Variants in KSR1 observed in about 807,000 individuals in gnomAD.
KSR1 encodes kinase suppressor of ras.
In KSR1, 35 loss-of-function variants were observed where a neutral mutation model predicts 92.9. The observed-to-expected ratio is 0.38, with a 90% CI of 0.29 to 0.50. The LOEUF is 0.50. Among genes scored for constraint, KSR1 ranks in the 20% least tolerant of loss-of-function variants. The pLI, the probability that KSR1 is intolerant of heterozygous loss-of-function variation, is 0.94. For missense variants in KSR1, 972 were observed against 1,158.5 expected, an observed-to-expected ratio of 0.84 and a Z score of 2.34; for synonymous variants, 467 against 472.6, an observed-to-expected ratio of 0.99 and a Z score of 0.15.
In KSR1 at chr17:27,488,468, A is replaced by G. The variant is rs78111751; in HGVS notation, c.231+31594A>G. Among the ~76,000 whole-genome samples the G allele has an allele frequency of 8.9e-4, 135 of 152,098 alleles. 8 individuals carry two copies. In the East Asian group the frequency reaches 0.024, roughly 27 times the overall value. ...TTGATAGTTACTTAGGGTGTTTCCAATCTTTTGCTGTTACCAACAATGCTG... is the reference window on the plus strand; with the variant it reads ...TTGATAGTTACTTAGGGTGTTTCCAGTCTTTTGCTGTTACCAACAATGCTG... On this transcript the variant is annotated intron_variant, in intron 1 of 20. Coordinates refer to ENST00000644974, the MANE Select transcript of KSR1 (RefSeq NM_001394583.1).
intron 18 of KSR1, 21 bp from the exon 19 acceptor site, chr17:27,617,274 T>TA: frequency 1.9e-6 from 3 of 1,598,846 alleles, no homozygotes; most frequent in Non-Finnish European, 2.6e-6. Flanking sequence ...CACACACCAC[T>TA]AATGGCAGCT....
At chr17:27,553,742 G>A (rs746253661) in intron 2 of KSR1, among the ~76,000 whole-genome samples, 27 of 152,236 alleles carry the variant, frequency 1.8e-4, no homozygotes, top group Non-Finnish European at 2.9e-4. Context: ...CTGGGCTATA[G>A]CCAGAGTATT....
rs1212782554 is a variant in KSR1 at position 27,459,915 on chromosome 17, A to C, written c.231+3041A>C. 6.6e-6 allele frequency among the ~76,000 whole-genome samples: 1 copy of C among 152,168 alleles called. No homozygotes were observed. The highest frequency in any genetic ancestry group is 2.4e-5 in the African/African-American group (1 of 41,432). ...AAAGGGTAGAAGGAGCTGAGACTTA[A>C]CGTTTGCTGCCTGTGTGCCTAGCAG... On this transcript the variant is annotated intron_variant, in intron 1 of 20. Coordinates refer to ENST00000644974, the MANE Select transcript of KSR1 (RefSeq NM_001394583.1). The surrounding 1 kb of genome is among the most constrained non-coding windows in gnomAD (Gnocchi z 4.6).
chr17:27,609,683 A>G (rs2073861293), intron 16 of KSR1, among the ~76,000 whole-genome samples: 2 of 152,200 alleles, frequency 1.3e-5, no homozygotes, highest in South Asian at 2.1e-4. Flanking sequence ...CCTCACATCT[A>G]GGGGAACCCA....
intron 18 of KSR1, among the ~76,000 whole-genome samples, chr17:27,616,896 C>T (rs1224976979): frequency 1.3e-5 from 2 of 152,248 alleles, no homozygotes; most frequent in African/African-American, 2.4e-5. Context: ...GAGGCTCCCT[C>T]GTCCACTGCA....
At chr17:27,606,668 A>C (rs189306870) in intron 14 of KSR1, among the ~76,000 whole-genome samples, 1 of 152,036 alleles carries the variant, frequency 6.6e-6, no homozygotes, top group Admixed American at 6.5e-5. Flanking sequence ...AAATACTCTC[A>C]CCATGGTCAA....
At chr17:27,609,872 G>C in intron 16 of KSR1, 195 bp from the exon 17 acceptor site, 1 of 574,772 alleles carries the variant, frequency 1.7e-6, no homozygotes. Flanking sequence ...AGAAACAACC[G>C]GTCATGACTC....
At chr17:27,613,798 C>G (rs2073985455) in intron 18 of KSR1, among the ~76,000 whole-genome samples, 1 of 152,196 alleles carries the variant, frequency 6.6e-6, no homozygotes, top group Admixed American at 6.5e-5. Flanking sequence ...GTAACCACTG[C>G]TTTCCAGTCT....
chr17:27,529,860 AC>A (rs2070464439), intron 1 of KSR1, among the ~76,000 whole-genome samples: 1 of 151,910 alleles, frequency 6.6e-6, no homozygotes, highest in Non-Finnish European at 1.5e-5. Flanking sequence ...GTATCTGAAA[AC>A]CCTTGTCAAA....
intron 1 of KSR1, among the ~76,000 whole-genome samples, chr17:27,532,913 C>T (rs2070600582): frequency 6.6e-6 from 1 of 152,224 alleles, no homozygotes; most frequent in Non-Finnish European, 1.5e-5. Flanking sequence ...CCTGGAGGGG[C>T]AGCGTGGGGC....
intron 1 of KSR1, chr17:27,465,265 A>T (rs550106873): frequency 6.6e-6 from 1 of 152,336 alleles, no homozygotes; most frequent in East Asian, 1.9e-4. Flanking sequence ...GGTGGGCAGT[A>T]GTGTGTTTTA....
In KSR1 at chr17:27,613,960, TC is replaced by T. The variant is rs564024658; in HGVS notation, c.2493+2333del. On this transcript the variant is annotated intron_variant, in intron 18 of 20. Transcript: ENST00000644974. ...GGGATTACAAGCATGCACCAAAATATCCAGCTAATTTTTGTATTTTTAGTAG... is the reference window on the plus strand; with the variant it reads ...GGGATTACAAGCATGCACCAAAATATCAGCTAATTTTTGTATTTTTAGTAG... Among the ~76,000 whole-genome samples the T allele has an allele frequency of 2.5e-3, 376 of 152,278 alleles. 2 individuals are homozygous for T. Among genetic ancestry groups the T allele is most frequent in the Middle Eastern group, 0.017 (5 of 294 alleles).
At chr17:27,543,274 C>T (rs2071034213) in intron 1 of KSR1, among the ~76,000 whole-genome samples, 1 of 152,228 alleles carries the variant, frequency 6.6e-6, no homozygotes, top group Admixed American at 6.5e-5. Flanking sequence ...AACCCAGCCT[C>T]CCAAATCAGA....
chr17:27,620,887 G>A (rs2074204813), intron 19 of KSR1: 1 of 267,924 alleles, frequency 3.7e-6, no homozygotes, highest in Admixed American at 5.4e-5. Context: ...AGATGGGGCT[G>A]TTCCCTGCCC....
chr17:27,456,584 T>G lies in KSR1; in HGVS notation c.-60T>G, dbSNP rs1322669065. On this transcript the variant is annotated 5_prime_UTR_variant, in exon 1 of 21. Transcript: ENST00000644974. ...CAGCTCTCCTGGCTCGGGGGTTCCT[T>G]GCCGAGGCGCCCGCGCCCCGGGCTC... is the stretch of plus-strand genomic sequence containing the variant. 2.2e-6 allele frequency: 1 copy of G among 459,826 alleles called. No homozygotes were observed. Among genetic ancestry groups the G allele is most frequent in the Non-Finnish European group, 3.7e-6 (1 of 267,152 alleles). The allele number at this position is 459,826 out of a possible 1,614,324, so 28.5% of individuals were successfully genotyped here.
At chr17:27,578,118 G>A (rs2072595013) in intron 3 of KSR1, 1 of 217,170 alleles carries the variant, frequency 4.6e-6, no homozygotes, top group African/African-American at 2.4e-5. Context: ...CCCAGGCAAA[G>A]TGTGTAATCC....
intron 15 of KSR1, among the ~76,000 whole-genome samples, chr17:27,608,318 C>A (rs1223887732): frequency 6.6e-6 from 1 of 152,192 alleles, no homozygotes; most frequent in African/African-American, 2.4e-5. Flanking sequence ...GTAGGTTTAG[C>A]CTCTCTAAGC....
chr17:27,489,440 C>G (rs371248260), intron 1 of KSR1, among the ~76,000 whole-genome samples: 1 of 152,204 alleles, frequency 6.6e-6, no homozygotes, highest in Non-Finnish European at 1.5e-5. Flanking sequence ...GCTTTTGAGA[C>G]GAGGCTCCTT....
chr17:27,517,046 T>G (rs1179165536), intron 1 of KSR1, among the ~76,000 whole-genome samples: 1 of 152,236 alleles, frequency 6.6e-6, no homozygotes, highest in Non-Finnish European at 1.5e-5. Flanking sequence ...TTGATATATT[T>G]TGAAATGGCC....
Sources: allele counts gnomAD v4.1 joint callset (sites outside exome capture counted in the v4.1 genomes callset), GRCh38; gene constraint gnomAD v4.1.1; non-coding constraint Gnocchi (gnomAD v3.1); transcripts MANE v1.5; gene names NCBI Gene and HGNC (gene_info 2026-07-23, HGNC 2026-07-21).